NAV3: variants seen among roughly 807,000 people sequenced by gnomAD.
NAV3 encodes neuron navigator 3.
Under a neutral mutation model 244.7 loss-of-function variants are expected in NAV3, and 87 were observed. The observed-to-expected ratio is 0.36, with a 90% confidence interval of 0.30 to 0.42. The LOEUF is 0.42. Ranked by LOEUF, NAV3 falls within the 20% of genes least tolerant of loss-of-function variation. The pLI, the probability that NAV3 is intolerant of heterozygous loss-of-function variation, is 1.00. For synonymous variants in NAV3, 1,126 were observed against 1,042.2 expected (o/e 1.08, Z -1.55); for missense variants, 2,663 against 2,893.3 (o/e 0.92, Z 1.83).
At chr12:77,736,826 A>T (rs1403635562) in intron 2 of NAV3, among the ~76,000 whole-genome samples, 1 of 152,172 alleles carries the variant, frequency 6.6e-6, no homozygotes, top group East Asian at 1.9e-4. Flanking sequence ...AAGTGGATGA[A>T]CCCATTGCAT....
intron 2 of NAV3, among the ~76,000 whole-genome samples, chr12:77,606,073 A>G (rs2136793082): frequency 6.6e-6 from 1 of 152,304 alleles, no homozygotes; most frequent in South Asian, 2.1e-4. Context: ...TCAGGTCTCT[A>G]GAGATACCGT....
At chr12:78,022,658 A>C (rs1877352492) in intron 9 of NAV3, among the ~76,000 whole-genome samples, 1 of 151,644 alleles carries the variant, frequency 6.6e-6, no homozygotes, top group African/African-American at 2.4e-5. Flanking sequence ...AAATTATTTA[A>C]TTTTAAAAAA....
At chr12:77,637,317 A>T (rs1220675847) in intron 2 of NAV3, among the ~76,000 whole-genome samples, 1 of 152,142 alleles carries the variant, frequency 6.6e-6, no homozygotes, top group African/African-American at 2.4e-5. Flanking sequence ...CTTTACTTGC[A>T]ATTTTAAAGA....
chr12:77,670,537 A>C (rs532020638), intron 2 of NAV3, among the ~76,000 whole-genome samples: 1 of 152,288 alleles, frequency 6.6e-6, no homozygotes, highest in South Asian at 2.1e-4. Flanking sequence ...AAAAATCCTC[A>C]ACAAAATACT....
chr12:78,095,996 T>C (rs896357777), intron 12 of NAV3, among the ~76,000 whole-genome samples: 1 of 152,228 alleles, frequency 6.6e-6, no homozygotes, highest in African/African-American at 2.4e-5. Context: ...GTGGCTTTTG[T>C]ATAAATCCTA....
At chr12:78,131,881 C>G (rs770698821) in intron 18 of NAV3, among the ~76,000 whole-genome samples, 1 of 152,194 alleles carries the variant, frequency 6.6e-6, no homozygotes, top group East Asian at 1.9e-4. Flanking sequence ...CATAGAGTAG[C>G]ATTCATCAGA....
intron 5 of NAV3, among the ~76,000 whole-genome samples, chr12:77,992,874 C>T (rs1401337850): frequency 6.6e-6 from 1 of 152,132 alleles, no homozygotes; most frequent in Non-Finnish European, 1.5e-5. Flanking sequence ...CAAAAAGAGG[C>T]AGGGACCAAC....
intron 16 of NAV3, among the ~76,000 whole-genome samples, chr12:78,125,569 G>T (rs1226436681): frequency 1.3e-5 from 2 of 152,078 alleles, no homozygotes; most frequent in African/African-American, 4.8e-5. Flanking sequence ...GTCAGATCTG[G>T]CAACGCTGCC....
In NAV3 at chr12:78,159,211, T is replaced by C. The variant is rs1287938344; in HGVS notation, c.4794T>C (p.Leu1598=). Residue 1598 remains leucine (L), a synonymous_variant, in exon 23 of 40, where the codon CTT becomes CTC. Transcript: ENST00000397909. ...TTCCATTCTGTTCACAGGCTCACCT[T>C]GTAGCAGCTTTTGAAAAGAGCTTAG... is the stretch of plus-strand genomic sequence containing the variant. ...LTSQLSANAH[L]VAAFEKSLGN... The C allele has an allele frequency of 1.2e-6, 2 of 1,613,298 alleles. No individual in the cohort carries two copies. The highest frequency in any genetic ancestry group is 1.7e-6 in the Non-Finnish European group (2 of 1,179,504).
chr12:77,816,770 C>T (rs1872543232), intron 2 of NAV3, among the ~76,000 whole-genome samples: 1 of 144,984 alleles, frequency 6.9e-6, no homozygotes, highest in Non-Finnish European at 1.6e-5. Context: ...AATCGTATAT[C>T]AATATGCAGA....
chr12:77,880,700 G>T (rs183261521), intron 1 of NAV3, among the ~76,000 whole-genome samples: 3 of 152,104 alleles, frequency 2.0e-5, no homozygotes, highest in Admixed American at 6.5e-5. Flanking sequence ...TCTTTTCTAC[G>T]TTCAGATATG....
chr12:77,713,402 C>T (rs1333517351), intron 2 of NAV3, among the ~76,000 whole-genome samples: 11 of 152,102 alleles, frequency 7.2e-5, no homozygotes. Context: ...TGGTTTTATA[C>T]TGTGTATTCA....
intron 8 of NAV3, among the ~76,000 whole-genome samples, chr12:78,019,429 T>C (rs1413027476): frequency 6.6e-6 from 1 of 152,104 alleles, no homozygotes; most frequent in African/African-American, 2.4e-5. Flanking sequence ...GAGAATAGCG[T>C]CTAGTCTGGG....
intron 23 of NAV3, among the ~76,000 whole-genome samples, chr12:78,161,267 G>A (rs1379995059): frequency 1.3e-5 from 2 of 151,946 alleles, no homozygotes; most frequent in African/African-American, 4.8e-5. Context: ...CATGCTAGGG[G>A]CTACCAAAAA....
intron 2 of NAV3, among the ~76,000 whole-genome samples, chr12:77,759,353 A>G (rs1372823716): frequency 1.3e-5 from 2 of 152,218 alleles, no homozygotes; most frequent in Non-Finnish European, 2.9e-5. Flanking sequence ...GAAGTATTAC[A>G]AAGCTTGCCT....
chr12:77,729,895 CT>C (rs1478939066), intron 2 of NAV3, among the ~76,000 whole-genome samples: 1 of 151,996 alleles, frequency 6.6e-6, no homozygotes, highest in Non-Finnish European at 1.5e-5. Flanking sequence ...TCAACTCCTT[CT>C]TTACCCAGGA....
chr12:77,660,357 A>G (rs1873378548), intron 2 of NAV3, among the ~76,000 whole-genome samples: 1 of 152,176 alleles, frequency 6.6e-6, no homozygotes, highest in Non-Finnish European at 1.5e-5. Flanking sequence ...TAAGTCAAAT[A>G]TTGTAGTATC....
intron 2 of NAV3, among the ~76,000 whole-genome samples, chr12:77,823,712 A>G (rs933473730): frequency 6.6e-6 from 1 of 152,238 alleles, no homozygotes; most frequent in African/African-American, 2.4e-5. Flanking sequence ...TCTACCATCT[A>G]GTAAAATATT....
intron 2 of NAV3, among the ~76,000 whole-genome samples, chr12:77,673,334 A>G (rs1003062185): frequency 6.6e-6 from 1 of 152,178 alleles, no homozygotes; most frequent in Admixed American, 6.6e-5. Context: ...TTCAACAGAG[A>G]TTAATGAACA....
Sources: gnomAD v4.1 joint callset for allele counts (sites outside exome capture counted in the v4.1 genomes callset) on GRCh38, gnomAD v4.1.1 for gene constraint, MANE v1.5 for transcripts, NCBI Gene and HGNC (gene_info 2026-07-23, HGNC 2026-07-21) for gene names.